BLTP3B: variants seen among roughly 807,000 people sequenced by gnomAD.
The protein encoded by BLTP3B is bridge-like lipid transfer protein family member 3B.
At chr12:100,050,350 G>C in the BLTP3B span, 4 of 1,564,528 alleles carry the variant, frequency 2.6e-6, no homozygotes, top group Non-Finnish European at 3.4e-6. Context: ...ATATTAGTAT[G>C]CCAAGCAGTT....
chr12:100,142,713 C>T, the BLTP3B span: 3 of 1,536,344 alleles, frequency 2.0e-6, no homozygotes, highest in Non-Finnish European at 2.6e-6. Context: ...CCTCTCTGTC[C>T]CGGCTAGCCC....
At chr12:100,138,155 A>G in the BLTP3B span, among the ~76,000 whole-genome samples, 1 of 152,312 alleles carries the variant, frequency 6.6e-6, no homozygotes, top group South Asian at 2.1e-4. Context: ...TCTATTTCAA[A>G]ATGCCAATGA....
At chr12:100,048,573 G>C in the BLTP3B span, among the ~76,000 whole-genome samples, 1 of 152,052 alleles carries the variant, frequency 6.6e-6, no homozygotes, top group African/African-American at 2.4e-5. Flanking sequence ...CATTTCTCAA[G>C]AAGTAACAAA....
At chr12:100,132,667 C>T in the BLTP3B span, among the ~76,000 whole-genome samples, 1 of 152,120 alleles carries the variant, frequency 6.6e-6, no homozygotes, top group African/African-American at 2.4e-5. Flanking sequence ...TATTTTTTGG[C>T]CGGGTGTGGT....
the BLTP3B span, chr12:100,039,751 T>C: frequency 6.2e-7 from 1 of 1,613,118 alleles, no homozygotes; most frequent in African/African-American, 1.3e-5. Flanking sequence ...CTTTTGACAT[T>C]TTCTTTCAAA....
chr12:100,102,801 A>G, the BLTP3B span: 1 of 1,609,076 alleles, frequency 6.2e-7, no homozygotes, highest in Non-Finnish European at 8.5e-7. Context: ...GTGATGGGCC[A>G]TTAGGGCTTC....
At chr12:100,069,782 A>G in the BLTP3B span, 1 of 258,312 alleles carries the variant, frequency 3.9e-6, no homozygotes, top group African/African-American at 2.3e-5. Context: ...TGATGGGTGC[A>G]GCAAAATCTC....
chr12:100,130,949 CAT>C, the BLTP3B span, among the ~76,000 whole-genome samples: 193 of 97,514 alleles, frequency 2.0e-3, 1 homozygote, highest in Middle Eastern at 9.8e-3. Flanking sequence ...TACATACATA[CAT>C]ATATATATAT....
At chr12:100,107,538 G>A in the BLTP3B span, among the ~76,000 whole-genome samples, 1 of 151,608 alleles carries the variant, frequency 6.6e-6, no homozygotes, top group South Asian at 2.1e-4. Context: ...GGGAGGCTGA[G>A]GCAGGGGAAT....
the BLTP3B span, chr12:100,108,626 A>G: frequency 8.1e-7 from 1 of 1,232,820 alleles, no homozygotes; most frequent in South Asian, 1.6e-5. Flanking sequence ...ATATACAGAG[A>G]ACTAAAAATA....
the BLTP3B span, among the ~76,000 whole-genome samples, chr12:100,042,704 T>C: frequency 6.6e-6 from 1 of 152,196 alleles, no homozygotes; most frequent in East Asian, 1.9e-4. Flanking sequence ...TCAACAACCA[T>C]GGCTGTCATC....
chr12:100,098,428 C>A, the BLTP3B span: 4 of 1,613,732 alleles, frequency 2.5e-6, no homozygotes, highest in East Asian at 8.9e-5. Context: ...ACTATAGATC[C>A]GAAGCTGAGA....
chr12:100,134,475 A>C, the BLTP3B span, among the ~76,000 whole-genome samples: 1 of 151,906 alleles, frequency 6.6e-6, no homozygotes, highest in Non-Finnish European at 1.5e-5. Context: ...AAATTAGCCA[A>C]ACATGGTGGC....
the BLTP3B span, among the ~76,000 whole-genome samples, chr12:100,123,383 G>A: frequency 6.6e-6 from 1 of 152,128 alleles, no homozygotes; most frequent in African/African-American, 2.4e-5. Flanking sequence ...ACTCTCTAAC[G>A]ATGTTTTTCC....
At chr12:100,135,360 C>T in the BLTP3B span, among the ~76,000 whole-genome samples, 1 of 151,168 alleles carries the variant, frequency 6.6e-6, no homozygotes, top group African/African-American at 2.4e-5. Context: ...CCTCTGCCTC[C>T]TGGGCTCAAG....
chr12:100,122,318 A>G, the BLTP3B span, among the ~76,000 whole-genome samples: 1 of 152,184 alleles, frequency 6.6e-6, no homozygotes, highest in African/African-American at 2.4e-5. Context: ...CAACCTCCTC[A>G]TTTTATAGTA....
chr12:100,082,189 T>TTGGC, the BLTP3B span, among the ~76,000 whole-genome samples: 1 of 152,270 alleles, frequency 6.6e-6, no homozygotes, highest in Non-Finnish European at 1.5e-5. Flanking sequence ...CATATGCTTG[T>TTGGC]TGGCTGCACA....
At chr12:100,141,297 T>C in the BLTP3B span, among the ~76,000 whole-genome samples, 1 of 149,720 alleles carries the variant, frequency 6.7e-6, no homozygotes, top group East Asian at 1.9e-4. Context: ...CAGCCTGGCC[T>C]GGTGAAACCC....
the BLTP3B span, among the ~76,000 whole-genome samples, chr12:100,121,606 G>A: frequency 1.5e-4 from 23 of 151,638 alleles, no homozygotes; most frequent in African/African-American, 3.6e-4. Context: ...CAAGGAGGGC[G>A]GATCACCTGA....
Sources: gnomAD v4.1 joint callset for allele counts (sites outside exome capture counted in the v4.1 genomes callset) on GRCh38, gnomAD v4.1.1 for gene constraint, MANE v1.5 for transcripts, NCBI Gene and HGNC (gene_info 2026-07-23, HGNC 2026-07-21) for gene names.